Variants in PPP1R21 observed in about 807,000 individuals in gnomAD.
The protein encoded by PPP1R21 is KLRAQ motif containing 1.
In PPP1R21, 85 loss-of-function variants were observed where a neutral mutation model predicts 112.8. The ratio of observed to expected loss-of-function variants is 0.75; its 90% CI spans 0.63 to 0.90. The LOEUF (loss-of-function observed/expected upper bound fraction) is 0.90, where lower values mean the gene tolerates loss of function less well. PPP1R21 is among the 40% of genes least tolerant of loss of function. PPP1R21 has a pLI of 0.00. For missense variants in PPP1R21, 1,199 were observed against 901.5 expected (o/e 1.33, Z -4.23); for synonymous variants, 381 against 322.3 (o/e 1.18, Z -1.95).
In PPP1R21 at chr2:48,468,600, C is replaced by A. The variant is rs142624910; in HGVS notation, c.898-2487C>A. ...GGCTGAGGCGGGTGGATCGCTTGAC[C>A]TCAGGAGTTCAAGACCAGCCTGGGC... On this transcript the variant is annotated intron_variant, in intron 9 of 21. Transcript: ENST00000294952. 9.0e-3 allele frequency among the ~76,000 whole-genome samples: 1,372 copies of A among 152,064 alleles called. 26 individuals are homozygous for A. The highest frequency in any genetic ancestry group is 0.031 in the African/African-American group (1,277 of 41,458).
intron 3 of PPP1R21, among the ~76,000 whole-genome samples, chr2:48,455,374 T>C (rs11686769): frequency 0.14 from 20,555 of 149,964 alleles, 1,490 homozygotes; most frequent in African/African-American, 0.17. Context: ...AACTCCAGAC[T>C]TCAGGTGGTC....
chr2:48,452,008 A>T (rs1415647228), intron 2 of PPP1R21, among the ~76,000 whole-genome samples: 2 of 152,190 alleles, frequency 1.3e-5, no homozygotes, highest in African/African-American at 4.8e-5. Context: ...ATGGTTCTGA[A>T]CACCCCACCC....
chr2:48,510,996 A>AGCTGTGTTGATGAGATTAGTAG (rs888008445), intron 20 of PPP1R21, among the ~76,000 whole-genome samples: 1 of 152,206 alleles, frequency 6.6e-6, no homozygotes, highest in African/African-American at 2.4e-5. Flanking sequence ...AATTGATCAG[A>AGCTGTGTTGATGAGATTAGTAG]TAGACCATCT....
At chr2:48,496,985 A>G (rs1053931930) in intron 16 of PPP1R21, among the ~76,000 whole-genome samples, 1 of 152,242 alleles carries the variant, frequency 6.6e-6, no homozygotes, top group African/African-American at 2.4e-5. Flanking sequence ...ATCCTTGGTA[A>G]TAAACCAGTA....
At chr2:48,510,920 G>A (rs1670609562) in intron 20 of PPP1R21, among the ~76,000 whole-genome samples, 1 of 152,228 alleles carries the variant, frequency 6.6e-6, no homozygotes. Context: ...TGGAGGCTGA[G>A]AAAAACTTGT....
intron 3 of PPP1R21, 160 bp from the exon 4 acceptor site, chr2:48,457,966 G>C: frequency 1.7e-6 from 1 of 604,494 alleles, no homozygotes; most frequent in Non-Finnish European, 3.2e-6. Flanking sequence ...GTGTCACATA[G>C]GAAAAGTTAA....
At chr2:48,472,625 C>CAA (rs756647260) in intron 11 of PPP1R21, among the ~76,000 whole-genome samples, 3 of 120,064 alleles carry the variant, frequency 2.5e-5, no homozygotes, top group Non-Finnish European at 1.8e-5. Flanking sequence ...GACTCCGTCT[C>CAA]AAAAAAAAAA....
At chr2:48,451,175 C>A in intron 2 of PPP1R21, 99 bp downstream of exon 2, 2 of 874,286 alleles carry the variant, frequency 2.3e-6, no homozygotes, top group Non-Finnish European at 3.9e-6. Context: ...CCAACTCTGA[C>A]ACTGATTCAC....
At chr2:48,443,101 G>C (rs760463179) in intron 1 of PPP1R21, among the ~76,000 whole-genome samples, 48 of 152,120 alleles carry the variant, frequency 3.2e-4, no homozygotes, top group Non-Finnish European at 6.0e-4. Context: ...GTTAAAAAAT[G>C]CTTTTCAGCT....
Position 48,454,095 on chromosome 2 carries a change from C to T in PPP1R21, c.127-500C>T, listed in dbSNP as rs188716896. On this transcript the variant is annotated intron_variant, in intron 2 of 21. Transcript: ENST00000294952. ...CCAACATGGCGAAATGCTGTCTCTA[C>T]TAAAAATACAAAAAAATTAGCCGAG... Among the ~76,000 whole-genome samples, 388 of 152,126 alleles carry T rather than the reference C, an allele frequency of 2.6e-3. 1 individual carries two copies. The highest frequency in any genetic ancestry group is 9.2e-3 in the African/African-American group (380 of 41,524).
intron 13 of PPP1R21, among the ~76,000 whole-genome samples, chr2:48,480,988 G>A (rs186751558): frequency 7.9e-4 from 120 of 152,132 alleles, no homozygotes; most frequent in Middle Eastern, 6.8e-3. Flanking sequence ...CAATTATAAG[G>A]AACTTTATAA....
At chr2:48,449,571 T>A (rs910276512) in intron 1 of PPP1R21, among the ~76,000 whole-genome samples, 1 of 152,240 alleles carries the variant, frequency 6.6e-6, no homozygotes, top group Non-Finnish European at 1.5e-5. Flanking sequence ...GCAGTATTCC[T>A]GCATTTTATC....
chr2:48,460,957 C>G (rs780683564), intron 6 of PPP1R21, among the ~76,000 whole-genome samples, 181 bp from the exon 7 acceptor site: 2 of 152,180 alleles, frequency 1.3e-5, no homozygotes, highest in Non-Finnish European at 2.9e-5. Flanking sequence ...GTCCCTGGGA[C>G]TTGAGAAGCC....
intron 19 of PPP1R21, among the ~76,000 whole-genome samples, chr2:48,508,687 C>T (rs1287329653): frequency 6.6e-5 from 10 of 152,184 alleles, no homozygotes. Flanking sequence ...GGACCTGTGC[C>T]TTGCATGCCT....
At chr2:48,465,406 A>C (rs553690244) in intron 8 of PPP1R21, 87 bp from the exon 9 acceptor site, 1 of 1,214,864 alleles carries the variant, frequency 8.2e-7, no homozygotes, top group Non-Finnish European at 1.1e-6. Flanking sequence ...CTAGGATTCA[A>C]ATGTTTTCTC....
At chr2:48,458,647 A>G (rs535343335) in intron 4 of PPP1R21, among the ~76,000 whole-genome samples, 3 of 140,516 alleles carry the variant, frequency 2.1e-5, no homozygotes, top group Non-Finnish European at 3.0e-5. Context: ...TCTTATCCCT[A>G]CCCCTGTTAA....
In PPP1R21 at chr2:48,454,678, C is replaced by T; in HGVS notation, c.210C>T (p.Ala70=). The part of the protein sequence containing the change: ...DSLTFRNLQL[A]KRVELLQDEL... ...TGACATTTCGAAATCTGCAGCTTGCCAAGAGGGTAGAACTACTTCAAGATG... is the reference window on the plus strand; with the variant it reads ...TGACATTTCGAAATCTGCAGCTTGCTAAGAGGGTAGAACTACTTCAAGATG... Residue 70 remains alanine, a synonymous_variant, in exon 3 of 22, where the codon GCC becomes GCT. Coordinates refer to ENST00000294952, the MANE Select transcript of PPP1R21 (RefSeq NM_001135629.3). 15 of 1,614,056 alleles carry T rather than the reference C, an allele frequency of 9.3e-6. No individual in the cohort carries two copies. Among genetic ancestry groups the T allele is most frequent in the Non-Finnish European group, 1.3e-5 (15 of 1,179,960 alleles).
At chr2:48,460,378 A>C (rs192804394) in intron 6 of PPP1R21, among the ~76,000 whole-genome samples, 1 of 152,304 alleles carries the variant, frequency 6.6e-6, no homozygotes, top group East Asian at 1.9e-4. Context: ...GCTGTGGCAG[A>C]TCGTGTTCTG....
intron 12 of PPP1R21, among the ~76,000 whole-genome samples, chr2:48,475,801 C>T (rs369513346): frequency 5.3e-5 from 8 of 151,858 alleles, no homozygotes; most frequent in East Asian, 1.9e-4. Flanking sequence ...GAGCTGAGAT[C>T]GTGCCATTGC....
Sources: allele counts gnomAD v4.1 joint callset (sites outside exome capture counted in the v4.1 genomes callset), GRCh38; gene constraint gnomAD v4.1.1; transcripts MANE v1.5; gene names NCBI Gene and HGNC (gene_info 2026-07-23, HGNC 2026-07-21).